The following CSMD3 variants were observed in gnomAD, a reference collection of about 807,000 sequenced individuals.
CSMD3 encodes CUB and Sushi multiple domains 3, also known as CUB and sushi domain-containing protein 3.
In CSMD3, 177 loss-of-function variants were observed where a neutral mutation model predicts 435.2. The ratio of observed to expected loss-of-function variants is 0.41; its 90% confidence interval spans 0.36 to 0.46. CSMD3 has a LOEUF of 0.46. Ranked by LOEUF, CSMD3 falls within the 20% of genes least tolerant of loss-of-function variation. CSMD3 has a pLI of 0.34. For missense variants in CSMD3, 4,265 were observed against 4,504.6 expected (o/e 0.95, Z 1.52); for synonymous variants, 1,656 against 1,520.5 (o/e 1.09, Z -2.07).
At chr8:112,606,077 C>G (rs574145517) in intron 22 of CSMD3, among the ~76,000 whole-genome samples, 145 of 152,154 alleles carry the variant, frequency 9.5e-4, no homozygotes, top group Non-Finnish European at 1.7e-3. Context: ...ACAAAAGTAC[C>G]TTTGTGGAAA....
chr8:112,416,879 A>G (rs1811969583), intron 32 of CSMD3, among the ~76,000 whole-genome samples: 1 of 149,088 alleles, frequency 6.7e-6, no homozygotes, highest in East Asian at 1.9e-4. Context: ...AAGGTGATGG[A>G]GAGTTAAAAT....
At chr8:113,030,433 A>AT (rs2087052544) in intron 5 of CSMD3, among the ~76,000 whole-genome samples, 6 of 149,300 alleles carry the variant, frequency 4.0e-5, no homozygotes, top group African/African-American at 1.5e-4. Context: ...AAAAAAAAAA[A>AT]AAAAAAAAAA....
At chr8:112,507,938 T>A (rs1158280653) in intron 28 of CSMD3, among the ~76,000 whole-genome samples, 1 of 152,132 alleles carries the variant, frequency 6.6e-6, no homozygotes, top group Non-Finnish European at 1.5e-5. Context: ...CACCACTACT[T>A]TCCTGTCGCT....
In CSMD3 at chr8:112,921,477, C is replaced by A. The variant is rs2082741249; in HGVS notation, c.1633+150G>T. On this transcript the variant is annotated intron_variant, in intron 10 of 70. Transcript: ENST00000297405. ...ACCTAATAGATTGATTCACATTTTG[C>A]AGATTTTCTATAAATATCAATAAAT... The A allele has an allele frequency of 4.2e-6, 3 of 718,348 alleles. No individual in the cohort carries two copies. In the East Asian group the frequency reaches 8.3e-5, roughly 20 times the overall value. 44.5% of individuals were successfully genotyped at this position (718,348 alleles called of 1,614,324 possible). A position where few individuals can be genotyped will look rare whatever the true frequency, so the allele number is the denominator to read the frequency against.
At chr8:113,405,393 T>A (rs1426707969) in intron 1 of CSMD3, among the ~76,000 whole-genome samples, 1 of 151,596 alleles carries the variant, frequency 6.6e-6, no homozygotes, top group Non-Finnish European at 1.5e-5. Flanking sequence ...TGAATCATAA[T>A]GTCTATCAGC....
At chr8:112,819,797 G>C (rs1327414209) in intron 12 of CSMD3, among the ~76,000 whole-genome samples, 1 of 152,086 alleles carries the variant, frequency 6.6e-6, no homozygotes, top group Non-Finnish European at 1.5e-5. Context: ...TTTATACTTT[G>C]ATAGACTACA....
At chr8:113,254,271 A>G (rs2093361032) in intron 3 of CSMD3, among the ~76,000 whole-genome samples, 1 of 152,240 alleles carries the variant, frequency 6.6e-6, no homozygotes, top group Non-Finnish European at 1.5e-5. Context: ...CTTTGTTAAC[A>G]GAAAGCAGCC....
intron 25 of CSMD3, among the ~76,000 whole-genome samples, chr8:112,554,125 C>A (rs1307106238): frequency 6.6e-6 from 1 of 151,874 alleles, no homozygotes; most frequent in Non-Finnish European, 1.5e-5. Flanking sequence ...CAGCCCCCAC[C>A]ATTGCATGAT....
chr8:112,390,736 T>G lies in CSMD3; in HGVS notation c.5862A>C (p.Gly1954=). ...TKRKGTILSP[G]YPEPYDNNLN... is the part of the protein sequence containing the mutation. ...GATTGTTGTCATAAGGCTCAGGGTATCCAGGTGACAAAATAGTCCCTTTGC... is the reference window on the plus strand; with the variant it reads ...GATTGTTGTCATAAGGCTCAGGGTAGCCAGGTGACAAAATAGTCCCTTTGC... Residue 1954 remains glycine (G), a synonymous_variant, in exon 36 of 71, where the codon GGA becomes GGC. Transcript: ENST00000297405. 6.2e-7 allele frequency: 1 copy of G among 1,612,694 alleles called. No individual in the cohort carries two copies.
chr8:113,416,955 T>C (rs2094584471), intron 1 of CSMD3, among the ~76,000 whole-genome samples: 1 of 152,084 alleles, frequency 6.6e-6, no homozygotes, highest in Admixed American at 6.6e-5. Flanking sequence ...AAGGGAATGA[T>C]TGTTTTAATA....
Position 112,976,232 on chromosome 8 carries a change from C to G in CSMD3, c.1031-84G>C, listed in dbSNP as rs2084843286. The G allele has an allele frequency of 3.5e-6, 5 of 1,445,878 alleles. No individual in the cohort carries two copies. In the South Asian group the frequency reaches 6.0e-5, roughly 17 times the overall value. 89.6% of individuals were successfully genotyped at this position (1,445,878 alleles called of 1,614,324 possible). A position where few individuals can be genotyped will look rare whatever the true frequency, so the allele number is the denominator to read the frequency against. ...TCTGATAAATTTAATCAATCATATT[C>G]TCTTCTATTACCTTAAGGATAATCA... is the stretch of plus-strand genomic sequence containing the variant. On this transcript the variant is annotated intron_variant, in intron 6 of 70. Transcript: ENST00000297405.
chr8:112,920,261 C>T (rs2130615000), intron 10 of CSMD3, among the ~76,000 whole-genome samples: 1 of 151,804 alleles, frequency 6.6e-6, no homozygotes, highest in East Asian at 1.9e-4. Flanking sequence ...GTTAAATTGA[C>T]ACAACAGTTT....
rs1055674431 is a variant in CSMD3, at chr8:112,903,702, T to C, written c.1633+17925A>G. 2.6e-5 allele frequency among the ~76,000 whole-genome samples: 4 copies of C among 151,484 alleles called. No individual in the cohort carries two copies. The South Asian group carries it at 6.2e-4, about 24-fold the overall frequency. ...TCTCTCATCACCTGCTGGATGTCTC[T>C]GACTGATTTGAACACAATCGTCCTT... is the stretch of plus-strand genomic sequence containing the variant. On this transcript the variant is annotated intron_variant, in intron 10 of 70. Coordinates refer to ENST00000297405, the MANE Select transcript of CSMD3 (RefSeq NM_198123.2).
At chr8:113,049,222 G>A (rs932247687) in intron 5 of CSMD3, among the ~76,000 whole-genome samples, 1 of 152,112 alleles carries the variant, frequency 6.6e-6, no homozygotes, top group African/African-American at 2.4e-5. Flanking sequence ...CTAGGTGACA[G>A]AGCGAAAATC....
At chr8:113,436,325 C>T (rs2094705949) in intron 1 of CSMD3, among the ~76,000 whole-genome samples, 2 of 152,158 alleles carry the variant, frequency 1.3e-5, no homozygotes, top group African/African-American at 4.8e-5. Context: ...GCCTCAAGCC[C>T]TAGTGATCTG....
rs548938147 is a variant in CSMD3 at position 113,016,555 on chromosome 8, C to A, written c.1030+2512G>T. On this transcript the variant is annotated intron_variant, in intron 6 of 70. Transcript: ENST00000297405. Reference sequence around the variant, plus strand: ...ATAGAAACGTTATGAGTAAAATATTCAGTCTTTGGAAACCTGCAGATTCCT... The same window carrying A: ...ATAGAAACGTTATGAGTAAAATATTAAGTCTTTGGAAACCTGCAGATTCCT... 4.9e-4 allele frequency among the ~76,000 whole-genome samples: 74 copies of A among 151,818 alleles called. 1 individual carries two copies. Among genetic ancestry groups the A allele is most frequent in the Admixed American group, 4.8e-3 (73 of 15,218 alleles).
chr8:112,947,720 T>A (rs1284226210), intron 9 of CSMD3, 70 bp downstream of exon 9: 3 of 728,606 alleles, frequency 4.1e-6, no homozygotes, highest in Admixed American at 3.7e-5. Context: ...TATTATTAGC[T>A]ACTTTAAAGA....
chr8:113,185,676 G>A (rs545820126), intron 3 of CSMD3, among the ~76,000 whole-genome samples: 2 of 152,140 alleles, frequency 1.3e-5, no homozygotes, highest in African/African-American at 4.8e-5. Flanking sequence ...ATGTTTCTTG[G>A]TCTGAAGAAA....
chr8:112,552,146 TCTC>T (rs1438687627), intron 26 of CSMD3, among the ~76,000 whole-genome samples: 1 of 152,050 alleles, frequency 6.6e-6, no homozygotes, highest in Non-Finnish European at 1.5e-5. Context: ...TATTCTTATT[TCTC>T]CTAATTGTTA....
Sources: gnomAD v4.1 joint callset for allele counts (sites outside exome capture counted in the v4.1 genomes callset) on GRCh38, gnomAD v4.1.1 for gene constraint, MANE v1.5 for transcripts, NCBI Gene and HGNC (gene_info 2026-07-23, HGNC 2026-07-21) for gene names.